LMO2: variants seen among roughly 807,000 people sequenced by gnomAD.
The protein encoded by LMO2 is rhombotin-2.
Under a neutral mutation model 23.2 loss-of-function variants are expected in LMO2, and 20 were observed. The observed-to-expected ratio is 0.86, with a 90% CI of 0.61 to 1.25. LMO2 has a LOEUF of 1.25. LMO2 is among the 50% of genes most tolerant of loss of function. The pLI is 0.00. For synonymous variants in LMO2, 123 were observed against 130.2 expected (o/e 0.94, Z 0.38); for missense variants, 270 against 315.3 (o/e 0.86, Z 1.09).
rs570231773 is a variant in LMO2, at chr11:33,864,523, G to C, written c.464+79C>G. On this transcript the variant is annotated intron_variant, in intron 5 of 5. Transcript: ENST00000257818. This position sits in a 1 kb window ranked among gnomAD's most constrained non-coding sequence, Gnocchi z 4.8. ...GTCCGAGCCTGGAGCAGGGTAAGGG[G>C]CAACACACACCGACTGCAGATGTCC... 1.9e-5 allele frequency: 23 copies of C among 1,199,826 alleles called. No individual in the cohort carries two copies. The highest frequency in any genetic ancestry group is 2.7e-5 in the Non-Finnish European group (23 of 844,564). The allele number at this position is 1,199,826 out of a possible 1,614,324, so 74.3% of individuals were successfully genotyped here.
chr11:33,864,633 C>T lies in LMO2; in HGVS notation c.433G>A (p.Gly145Ser). ...EVGRRLYYKL[G>S]RKLCRRDYLR... ...TAGTCTCTCCGGCAGAGCTTCCGGC[C>T]CAGTTTGTAGTAGAGGCGCCGCCCC... is the stretch of plus-strand genomic sequence containing the variant. Residue 145 changes from glycine to serine, a missense_variant, in exon 5 of 6, where the codon GGC becomes AGC. This residue lies in a region of LMO2 where 100 missense variants were observed against 153.3 expected (regional missense o/e 0.65). Coordinates refer to ENST00000257818, the MANE Select transcript of LMO2 (RefSeq NM_005574.4). The surrounding 1 kb of genome is among the most constrained non-coding windows in gnomAD (Gnocchi z 4.8). 1 of 1,613,894 alleles carries T rather than the reference C, an allele frequency of 6.2e-7. No individual in the cohort carries two copies. The highest frequency in any genetic ancestry group is 8.5e-7 in the Non-Finnish European group (1 of 1,180,004).
intron 5 of LMO2, 126 bp from the exon 6 acceptor site, chr11:33,859,701 TC>T: frequency 1.3e-6 from 1 of 788,258 alleles, no homozygotes; most frequent in Non-Finnish European, 2.0e-6. Context: ...GAAGGTCGGC[TC>T]CAGAAGGAGG....
chr11:33,869,580 G>A lies in LMO2; in HGVS notation c.14C>T (p.Ala5Val), dbSNP rs1391935903. The A allele has an allele frequency of 1.5e-6, 2 of 1,297,082 alleles. No individual in the cohort carries two copies. The highest frequency in any genetic ancestry group is 9.9e-7 in the Non-Finnish European group (1 of 1,010,562). The allele number at this position is 1,297,082 out of a possible 1,614,324, so 80.3% of individuals were successfully genotyped here. A position where few individuals can be genotyped will look rare whatever the true frequency, so the allele number is the denominator to read the frequency against. The change falls in exon 4 of 6, where the codon GCG (alanine) becomes GTG (valine). Residue 5 changes from alanine to valine, a missense_variant. Transcript: ENST00000257818. Reference protein sequence around the residue: MEGSAVTVLERGGAS... With the variant: MEGSVVTVLERGGAS... Reference sequence around the variant, plus strand: ...CCCTCCGCGCTCAAGGACAGTCACCGCGCTCCCTTCAAACGCCAAAGAGAG... The same window carrying A: ...CCCTCCGCGCTCAAGGACAGTCACCACGCTCCCTTCAAACGCCAAAGAGAG...
At position 33,882,135 on chromosome 11, in the gene LMO2, G is replaced by A. The variant is rs778309904; in HGVS notation, c.-335-248C>T. ...TAACGGTTTCTTTGCTGGTTGAAGA[G>A]GCTGCTTCCTGCCGACTTCTTTTTT... is the stretch of plus-strand genomic sequence containing the variant. On this transcript the variant is annotated intron_variant, in intron 1 of 5. Transcript: ENST00000257818. Among the ~76,000 whole-genome samples, 24 of 152,298 alleles carry A rather than the reference G, an allele frequency of 1.6e-4. 1 individual carries two copies. The highest frequency in any genetic ancestry group is 3.9e-4 in the East Asian group (2 of 5,186).
intron 1 of LMO2, among the ~76,000 whole-genome samples, chr11:33,886,613 C>T (rs1256487342): frequency 6.6e-6 from 1 of 152,162 alleles, no homozygotes; most frequent in East Asian, 1.9e-4. Context: ...AGTTTTTAGA[C>T]TCTGTAATAG....
intron 1 of LMO2, among the ~76,000 whole-genome samples, chr11:33,890,183 T>A (rs35918260): frequency 2.0e-5 from 3 of 151,768 alleles, no homozygotes; most frequent in African/African-American, 7.3e-5. Flanking sequence ...ATAGGTACAA[T>A]GTGGTGATAT....
intron 1 of LMO2, among the ~76,000 whole-genome samples, chr11:33,888,239 G>A (rs1020841808): frequency 1.3e-5 from 2 of 152,192 alleles, no homozygotes; most frequent in African/African-American, 4.8e-5. Flanking sequence ...GAGGTCATTT[G>A]TGGGATGCAA....
rs1046175088 is a variant in LMO2 at position 33,869,481 on chromosome 11, GCGCCGCCGCCGCCGCCGCCGT to G, written c.92_112del (p.Asp31_Gly37del). 11 of 1,206,490 alleles carry G rather than the reference GCGCCGCCGCCGCCGCCGCCGT, an allele frequency of 9.1e-6. 1 individual carries two copies. Among genetic ancestry groups the G allele is most frequent in the African/African-American group, 3.2e-5 (2 of 61,684 alleles). 74.7% of individuals were successfully genotyped at this position (1,206,490 alleles called of 1,614,324 possible). ...GGCTCGGACCCCCTCGGGTGCTCGG[GCGCCGCCGCCGCCGCCGCCGT>G]CGCCGCCGCTCCTGCGCCTCCGCTT... On this transcript the variant is annotated inframe_deletion, in exon 4 of 6. Coordinates refer to ENST00000257818, the MANE Select transcript of LMO2 (RefSeq NM_005574.4).
At chr11:33,859,686 C>G in intron 5 of LMO2, 111 bp from the exon 6 acceptor site, 1 of 948,990 alleles carries the variant, frequency 1.1e-6, no homozygotes, top group South Asian at 1.7e-5. Context: ...TGTCAGGAAG[C>G]CAGGGAAGGT....
Position 33,865,260 on chromosome 11 carries a change from G to A in LMO2, c.249-443C>T, listed in dbSNP as rs937163623. 2.1e-5 allele frequency: 5 copies of A among 232,816 alleles called. No homozygotes were observed. In the South Asian group the frequency reaches 2.5e-4, roughly 12 times the overall value. The allele number at this position is 232,816 out of a possible 1,614,324, so 14.4% of individuals were successfully genotyped here. A position where few individuals can be genotyped will look rare whatever the true frequency, so the allele number is the denominator to read the frequency against. Reference sequence around the variant, plus strand: ...GGACGCACTCTGGACTAAAAGAGTCGCTCACTGCCAGGGCAGCAGATGACC... The same window carrying A: ...GGACGCACTCTGGACTAAAAGAGTCACTCACTGCCAGGGCAGCAGATGACC... On this transcript the variant is annotated intron_variant, in intron 4 of 5. Coordinates refer to ENST00000257818, the MANE Select transcript of LMO2 (RefSeq NM_005574.4).
At chr11:33,863,722 A>G (rs3781574) in intron 5 of LMO2, among the ~76,000 whole-genome samples, 29,672 of 152,222 alleles carry the variant, frequency 0.19, 2,941 homozygotes, top group Middle Eastern at 0.28. Flanking sequence ...TCGGATGGCC[A>G]ATAGGATGGC....
intron 2 of LMO2, chr11:33,870,452 G>GCGGGCTACGGGCTGCGGGCCC (rs1856984191): frequency 1.0e-6 from 1 of 985,982 alleles, no homozygotes. Flanking sequence ...TCTGCGGGCT[G>GCGGGCTACGGGCTGCGGGCCC]CGGGCTACGG....
At chr11:33,881,713 G>T in intron 2 of LMO2, 111 bp downstream of exon 2, 1 of 285,010 alleles carries the variant, frequency 3.5e-6, no homozygotes, top group Non-Finnish European at 6.9e-6. Flanking sequence ...AGCTCATTCT[G>T]CCCAGGATTA....
chr11:33,890,057 T>C (rs1211346293), intron 1 of LMO2, among the ~76,000 whole-genome samples: 2 of 152,120 alleles, frequency 1.3e-5, no homozygotes, highest in African/African-American at 2.4e-5. Context: ...AAGACAAATA[T>C]CACACTGTTC....
At chr11:33,888,332 C>T (rs916932644) in intron 1 of LMO2, among the ~76,000 whole-genome samples, 5 of 152,206 alleles carry the variant, frequency 3.3e-5, no homozygotes, top group African/African-American at 1.2e-4. Flanking sequence ...CTTTCATAAC[C>T]TGCATCAGAT....
intron 1 of LMO2, among the ~76,000 whole-genome samples, chr11:33,886,364 A>C (rs767169829): frequency 1.3e-5 from 2 of 152,190 alleles, no homozygotes; most frequent in Non-Finnish European, 1.5e-5. Context: ...GGGAGGTGGG[A>C]CTAAACATAC....
intron 2 of LMO2, among the ~76,000 whole-genome samples, chr11:33,874,257 G>C (rs536540257): frequency 6.6e-6 from 1 of 152,084 alleles, no homozygotes; most frequent in Non-Finnish European, 1.5e-5. Flanking sequence ...AAACAGATTC[G>C]GTTTTCTATA....
In LMO2 at chr11:33,864,871, G is replaced by A. The variant is rs556232149; in HGVS notation, c.249-54C>T. 663 of 1,535,970 alleles carry A rather than the reference G, an allele frequency of 4.3e-4. 10 individuals are homozygous for A. The South Asian group carries it at 5.1e-3, about 12-fold the overall frequency. On this transcript the variant is annotated intron_variant, in intron 4 of 5. Coordinates refer to ENST00000257818, the MANE Select transcript of LMO2 (RefSeq NM_005574.4). This position sits in a 1 kb window ranked among gnomAD's most constrained non-coding sequence, Gnocchi z 4.8. Reference sequence around the variant, plus strand: ...GCCTCACCAGAGTGAGACCAGCACCGAGGGTCCGAGATCGTTTTGGGCCAG... The same window carrying A: ...GCCTCACCAGAGTGAGACCAGCACCAAGGGTCCGAGATCGTTTTGGGCCAG...
intron 2 of LMO2, chr11:33,881,567 G>A (rs752770090): frequency 2.8e-5 from 10 of 360,558 alleles, no homozygotes; most frequent in Non-Finnish European, 5.5e-5. Flanking sequence ...TGGAGGGCAA[G>A]AGCCAAATCT....
Sources: allele counts gnomAD v4.1 joint callset (sites outside exome capture counted in the v4.1 genomes callset), GRCh38; gene constraint gnomAD v4.1.1; regional missense constraint gnomAD v4.1.1; non-coding constraint Gnocchi (gnomAD v3.1); transcripts MANE v1.5; gene names NCBI Gene and HGNC (gene_info 2026-07-23, HGNC 2026-07-21).